The following KIRREL1 variants were observed in gnomAD, a reference collection of about 807,000 sequenced individuals.
The protein encoded by KIRREL1 is kin of IRRE-like protein 1.
A neutral mutation model predicts 83.3 loss-of-function variants in KIRREL1; 25 were observed. The observed-to-expected ratio is 0.30, with a 90% CI of 0.22 to 0.42. KIRREL1 has a LOEUF of 0.42. Among genes scored for constraint, KIRREL1 ranks in the 10% least tolerant of loss-of-function variants. KIRREL1 has a pLI of 1.00. For missense variants in KIRREL1, 812 were observed against 1,032.3 expected (o/e 0.79, Z 2.92); for synonymous variants, 388 against 410.4 (o/e 0.95, Z 0.66).
rs1465306012 is a variant in KIRREL1 at position 158,076,282 on chromosome 1, A to G, written c.202+20A>G. 2.0e-5 allele frequency: 32 copies of G among 1,611,382 alleles called. No homozygotes were observed. Among genetic ancestry groups the G allele is most frequent in the Admixed American group, 1.5e-4 (9 of 59,900 alleles). ...TCAAAGGTGAGTGCCTGGCTACCCA[A>G]CGTCCAAACTGTCCCATCTTCTCCG... On this transcript the variant is annotated intron_variant, in intron 2 of 14. Coordinates refer to ENST00000359209, the MANE Select transcript of KIRREL1 (RefSeq NM_018240.7).
Position 158,097,186 on chromosome 1 carries a change from G to T in KIRREL1, c.*2066G>T, listed in dbSNP as rs1662376957. The T allele has an allele frequency of 2.6e-6, 1 of 389,286 alleles. No individual in the cohort carries two copies. The highest frequency in any genetic ancestry group is 5.1e-6 in the Non-Finnish European group (1 of 197,550). 24.1% of individuals were successfully genotyped at this position (389,286 alleles called of 1,614,324 possible). A position where few individuals can be genotyped will look rare whatever the true frequency, so the allele number is the denominator to read the frequency against. On this transcript the variant is annotated 3_prime_UTR_variant, in exon 15 of 15. Transcript: ENST00000359209. ...TATAGAGTCCTTTTATGAGAGCTCA[G>T]TGGGAAGGTCTGTCAAGAAATTCAG... is the stretch of plus-strand genomic sequence containing the variant.
chr1:158,063,749 C>T (rs1240591146), intron 1 of KIRREL1, among the ~76,000 whole-genome samples: 1 of 152,228 alleles, frequency 6.6e-6, no homozygotes, highest in South Asian at 2.1e-4. Context: ...TCTCTCTCTG[C>T]TTACCAGGAA....
In KIRREL1 at chr1:158,010,970, T is replaced by G. The variant is rs544136361; in HGVS notation, c.52+17242T>G. Among the ~76,000 whole-genome samples, 32 of 152,266 alleles carry G rather than the reference T, an allele frequency of 2.1e-4. 1 individual carries two copies. The highest frequency in any genetic ancestry group is 8.3e-4 in the South Asian group (4 of 4,812). On this transcript the variant is annotated intron_variant, in intron 1 of 14. Transcript: ENST00000359209. ...CCAGACATTTAAAATTCTTTTGGTT[T>G]TAATCATCTCAGAGGCTGACCAGAG...
At chr1:158,055,661 G>A (rs1270686647) in intron 1 of KIRREL1, among the ~76,000 whole-genome samples, 1 of 152,218 alleles carries the variant, frequency 6.6e-6, no homozygotes, top group Non-Finnish European at 1.5e-5. Flanking sequence ...GAATTTATAT[G>A]TCGCCAGGGC....
At chr1:157,997,121 T>C (rs187517921) in intron 1 of KIRREL1, among the ~76,000 whole-genome samples, 3 of 152,318 alleles carry the variant, frequency 2.0e-5, no homozygotes, top group African/African-American at 7.2e-5. Context: ...AATTGATTGA[T>C]TTGATGAGCG....
At chr1:158,080,156 A>G (rs1159396541) in intron 3 of KIRREL1, among the ~76,000 whole-genome samples, 1 of 152,148 alleles carries the variant, frequency 6.6e-6, no homozygotes, top group Non-Finnish European at 1.5e-5. Context: ...ACTCTTAGGA[A>G]ACCTTCTTCT....
At chr1:158,068,763 C>T (rs892752507) in intron 1 of KIRREL1, among the ~76,000 whole-genome samples, 16 of 151,386 alleles carry the variant, frequency 1.1e-4, no homozygotes, top group African/African-American at 3.9e-4. Context: ...ACCTCTCTGG[C>T]TGTTGTATTT....
At chr1:157,996,279 G>A (rs542183406) in intron 1 of KIRREL1, among the ~76,000 whole-genome samples, 26 of 151,966 alleles carry the variant, frequency 1.7e-4, no homozygotes, top group Admixed American at 3.9e-4. Flanking sequence ...CCTTCCCCCC[G>A]TTTCCATCAT....
chr1:158,051,223 T>C (rs1360805774), intron 1 of KIRREL1, among the ~76,000 whole-genome samples: 2 of 152,168 alleles, frequency 1.3e-5, no homozygotes, highest in Admixed American at 1.3e-4. Context: ...CCCTGTCCCC[T>C]TGCCTTTGTG....
At chr1:158,013,522 C>A (rs1400334315) in intron 1 of KIRREL1, among the ~76,000 whole-genome samples, 1 of 152,216 alleles carries the variant, frequency 6.6e-6, no homozygotes, top group Non-Finnish European at 1.5e-5. Context: ...CATACCCCAC[C>A]CCATGCCCCA....
chr1:158,025,807 C>T (rs1660152527), intron 1 of KIRREL1: 1 of 151,704 alleles, frequency 6.6e-6, no homozygotes, highest in African/African-American at 2.4e-5. Flanking sequence ...ATGAGCCACT[C>T]TTCTTTCCCA....
chr1:158,095,287 T>A lies in KIRREL1; in HGVS notation c.*167T>A. ...TCCCAGAAACACCCCGTCCCGAGGA[T>A]GGTGCTCTGTGCATGCCCCAGCCTC... On this transcript the variant is annotated 3_prime_UTR_variant, in exon 15 of 15. Coordinates refer to ENST00000359209, the MANE Select transcript of KIRREL1 (RefSeq NM_018240.7). 1.7e-6 allele frequency: 1 copy of A among 605,300 alleles called. No homozygotes were observed. The highest frequency in any genetic ancestry group is 2.9e-6 in the Non-Finnish European group (1 of 343,818). The allele number at this position is 605,300 out of a possible 1,614,324, so 37.5% of individuals were successfully genotyped here. A position where few individuals can be genotyped will look rare whatever the true frequency, so the allele number is the denominator to read the frequency against.
rs1190966368 is a variant in KIRREL1, at chr1:158,029,372, T to TGTGTGTGC, written c.52+35645_52+35646insTGTGTGCG. 1.1e-4 allele frequency among the ~76,000 whole-genome samples: 16 copies of TGTGTGTGC among 149,500 alleles called. No individual in the cohort carries two copies. The South Asian group carries it at 2.8e-3, about 26-fold the overall frequency. On this transcript the variant is annotated intron_variant, in intron 1 of 14. Coordinates refer to ENST00000359209, the MANE Select transcript of KIRREL1 (RefSeq NM_018240.7). The stretch of plus-strand genomic sequence containing the variant: ...GTGTGTGTGTGTGTGTGTGTGCACG[T>TGTGTGTGC]GCGCGCGCATGCACACATGCATGCA...
At chr1:158,071,738 T>C (rs1179501811) in intron 1 of KIRREL1, among the ~76,000 whole-genome samples, 1 of 152,098 alleles carries the variant, frequency 6.6e-6, no homozygotes, top group Admixed American at 6.5e-5. Context: ...AGGGACGGGA[T>C]TGAAATGTCA....
At chr1:158,061,661 A>G (rs531828073) in intron 1 of KIRREL1, among the ~76,000 whole-genome samples, 1 of 152,268 alleles carries the variant, frequency 6.6e-6, no homozygotes, top group Admixed American at 6.5e-5. Flanking sequence ...ATGTACTGAC[A>G]CAGGACAGAG....
chr1:158,094,480 C>A lies in KIRREL1; in HGVS notation c.1797+90C>A. ...AGCGGGGAGGTGAGGTGAGGACAGA[C>A]TTGGGGAGGAGTGGTTGGGAGGGTT... is the stretch of plus-strand genomic sequence containing the variant. On this transcript the variant is annotated intron_variant, in intron 14 of 14. Transcript: ENST00000359209. The surrounding 1 kb of genome is among the most constrained non-coding windows in gnomAD (Gnocchi z 4.6). 7.2e-7 allele frequency: 1 copy of A among 1,388,080 alleles called. No homozygotes were observed. The highest frequency in any genetic ancestry group is 1.0e-6 in the Non-Finnish European group (1 of 979,914). 86.0% of individuals were successfully genotyped at this position (1,388,080 alleles called of 1,614,324 possible). A position where few individuals can be genotyped will look rare whatever the true frequency, so the allele number is the denominator to read the frequency against.
chr1:158,050,922 A>C (rs1035697375), intron 1 of KIRREL1, among the ~76,000 whole-genome samples: 2 of 152,226 alleles, frequency 1.3e-5, no homozygotes, highest in Non-Finnish European at 2.9e-5. Flanking sequence ...CGGTCTCACT[A>C]TCTACACTTT....
chr1:158,066,092 A>C (rs1034764725), intron 1 of KIRREL1, among the ~76,000 whole-genome samples: 6 of 151,934 alleles, frequency 3.9e-5, no homozygotes, highest in Non-Finnish European at 8.8e-5. Flanking sequence ...GTGCAGGAAG[A>C]GTAGGCTTTG....
At chr1:158,059,632 G>A (rs1276530873) in intron 1 of KIRREL1, among the ~76,000 whole-genome samples, 1 of 152,130 alleles carries the variant, frequency 6.6e-6, no homozygotes, top group East Asian at 1.9e-4. Context: ...TAGGATTAGG[G>A]TAGGGAATAC....
Sources: gnomAD v4.1 joint callset for allele counts (sites outside exome capture counted in the v4.1 genomes callset) on GRCh38, gnomAD v4.1.1 for gene constraint, Gnocchi (gnomAD v3.1) non-coding constraint, MANE v1.5 for transcripts, NCBI Gene and HGNC (gene_info 2026-07-23, HGNC 2026-07-21) for gene names.